TNS1: variants seen among roughly 807,000 people sequenced by gnomAD.
The protein encoded by TNS1 is tensin-1.
Under a neutral mutation model 168.6 loss-of-function variants are expected in TNS1, and 62 were observed. The ratio of observed to expected loss-of-function variants is 0.37; its 90% CI spans 0.30 to 0.45. The LOEUF (loss-of-function observed/expected upper bound fraction) is 0.45. Ranked by LOEUF, TNS1 falls within the 20% of genes least tolerant of loss-of-function variation. The pLI is 1.00. For synonymous variants in TNS1, 934 were observed against 933.2 expected (o/e 1.00, Z -0.02); for missense variants, 2,240 against 2,339.4 (o/e 0.96, Z 0.88).
At chr2:217,969,121 A>T (rs921177337) in intron 3 of TNS1, among the ~76,000 whole-genome samples, 1 of 152,228 alleles carries the variant, frequency 6.6e-6, no homozygotes, top group African/African-American at 2.4e-5. Flanking sequence ...TATTTAAGGG[A>T]CACAGAATAG....
At chr2:217,808,227 C>T (rs1362797772) in intron 31 of TNS1, 120 bp from the exon 32 acceptor site, 20 of 1,199,206 alleles carry the variant, frequency 1.7e-5, no homozygotes, top group Admixed American at 6.1e-5. Context: ...CCATTCCCCC[C>T]TCATTCCCCC....
rs145206915 is a variant in TNS1 at position 217,857,839 on chromosome 2, G to A, written c.1430-8752C>T. Among the ~76,000 whole-genome samples the A allele has an allele frequency of 4.6e-5, 7 of 152,230 alleles. No homozygotes were observed. In the East Asian group the frequency reaches 9.7e-4, roughly 21 times the overall value. The stretch of plus-strand genomic sequence containing the variant: ...TCCCACCCCTACCCTCAGCCTATAC[G>A]GGCAGCAGATATCACAGGCACACTC... On this transcript the variant is annotated intron_variant, in intron 18 of 32. Transcript: ENST00000682258.
chr2:217,946,755 C>A (rs1957115523), intron 3 of TNS1, among the ~76,000 whole-genome samples: 1 of 151,956 alleles, frequency 6.6e-6, no homozygotes. Flanking sequence ...CTCTTTCCAG[C>A]CTGCCTGCTC....
chr2:217,937,402 A>ATCTCTG (rs1956674466), intron 3 of TNS1, among the ~76,000 whole-genome samples: 1 of 152,076 alleles, frequency 6.6e-6, no homozygotes, highest in South Asian at 2.1e-4. Context: ...GGGCTGGCCC[A>ATCTCTG]TCTCTGCCAC....
chr2:217,908,507 C>T (rs942133993), intron 4 of TNS1, among the ~76,000 whole-genome samples: 12 of 152,180 alleles, frequency 7.9e-5, no homozygotes, highest in African/African-American at 2.9e-4. Flanking sequence ...CTGCTCCAAC[C>T]CCATCCCTGA....
intron 1 of TNS1, among the ~76,000 whole-genome samples, chr2:218,016,894 T>C (rs943046596): frequency 2.0e-5 from 3 of 152,012 alleles, no homozygotes; most frequent in African/African-American, 7.3e-5. Flanking sequence ...TGAGCATCCA[T>C]AAAGAGCAGC....
At chr2:217,945,413 G>A (rs956011809) in intron 3 of TNS1, among the ~76,000 whole-genome samples, 8 of 152,116 alleles carry the variant, frequency 5.3e-5, no homozygotes, top group South Asian at 2.1e-4. Context: ...GGGCTGCCTC[G>A]CCCCCAGTCA....
intron 1 of TNS1, among the ~76,000 whole-genome samples, chr2:218,002,606 G>A (rs1958586885): frequency 6.6e-6 from 1 of 151,728 alleles, no homozygotes; most frequent in Non-Finnish European, 1.5e-5. Context: ...GGGTGGGGCA[G>A]GGGATGTACT....
chr2:217,891,194 T>C, intron 11 of TNS1, 149 bp from the exon 12 acceptor site: 1 of 709,404 alleles, frequency 1.4e-6, no homozygotes, highest in Non-Finnish European at 2.4e-6. Flanking sequence ...CCCCCTGCCA[T>C]CCTGTGCCGA....
chr2:217,940,900 G>A (rs994341020), intron 3 of TNS1, among the ~76,000 whole-genome samples: 2 of 152,080 alleles, frequency 1.3e-5, no homozygotes, highest in Admixed American at 6.5e-5. Flanking sequence ...GCCCTCTCTG[G>A]TTCTCCTCTC....
Position 217,848,786 on chromosome 2 carries a change from C to T in TNS1, c.1731G>A (p.Glu577=). 1 of 1,614,178 alleles carries T rather than the reference C, an allele frequency of 6.2e-7. No individual in the cohort carries two copies. The highest frequency in any genetic ancestry group is 1.1e-5 in the South Asian group (1 of 91,088). The change falls in exon 19 of 33, where the codon GAG becomes GAA. Residue 577 remains glutamate (E), a synonymous_variant. Coordinates refer to ENST00000682258, the MANE Select transcript of TNS1 (RefSeq NM_001387777.1). Reference sequence around the variant, plus strand: ...GGGTGTGGTACATGGCGCCTTGCTTCTCTCGCTCTAAGCCAAAGCCACTCA... The same window carrying T: ...GGGTGTGGTACATGGCGCCTTGCTTTTCTCGCTCTAAGCCAAAGCCACTCA... The part of the protein sequence containing the change: ...RLLSGFGLER[E]KQGAMYHTQH...
intron 3 of TNS1, among the ~76,000 whole-genome samples, chr2:217,936,627 G>C (rs887112572): frequency 1.3e-5 from 2 of 152,082 alleles, no homozygotes; most frequent in Non-Finnish European, 1.5e-5. Context: ...TGGCCCAAAT[G>C]CCCTTCCTAA....
intron 1 of TNS1, among the ~76,000 whole-genome samples, chr2:217,999,012 G>C (rs1271565502): frequency 6.6e-6 from 1 of 152,130 alleles, no homozygotes; most frequent in Non-Finnish European, 1.5e-5. Context: ...AAGCTGCGTG[G>C]GGGGTGTGGT....
intron 3 of TNS1, among the ~76,000 whole-genome samples, chr2:217,975,675 C>T (rs768556139): frequency 6.6e-6 from 1 of 152,188 alleles, no homozygotes; most frequent in Non-Finnish European, 1.5e-5. Flanking sequence ...AAACCATGTG[C>T]ACCCAATTAC....
At chr2:217,889,965 A>T (rs1201667803) in intron 12 of TNS1, among the ~76,000 whole-genome samples, 1 of 152,144 alleles carries the variant, frequency 6.6e-6, no homozygotes, top group Non-Finnish European at 1.5e-5. Flanking sequence ...TTTGAGCAAC[A>T]TGTCACCCAC....
chr2:217,915,227 G>T (rs189511748), intron 4 of TNS1, among the ~76,000 whole-genome samples: 1 of 152,230 alleles, frequency 6.6e-6, no homozygotes, highest in Non-Finnish European at 1.5e-5. Context: ...TGAGTGCTCC[G>T]CTCCCTTTCT....
intron 3 of TNS1, among the ~76,000 whole-genome samples, chr2:217,953,755 G>C (rs556351341): frequency 6.6e-6 from 1 of 152,268 alleles, no homozygotes; most frequent in South Asian, 2.1e-4. Context: ...CGTGGGATGT[G>C]CTGGCAGGCA....
chr2:217,994,069 G>T (rs1378272111), intron 1 of TNS1, among the ~76,000 whole-genome samples: 1 of 152,244 alleles, frequency 6.6e-6, no homozygotes, highest in South Asian at 2.1e-4. Flanking sequence ...AGGCCTCTGA[G>T]GGGTAGATCC....
rs71415815 is a variant in TNS1 at position 217,839,585 on chromosome 2, C to T, written c.3008-3374G>A. ...ACGCACACACACTCACACGCACACT[C>T]GCACACCCTGCAATTCTGGGAGCTG... On this transcript the variant is annotated intron_variant, in intron 19 of 32. Coordinates refer to ENST00000682258, the MANE Select transcript of TNS1 (RefSeq NM_001387777.1). Among the ~76,000 whole-genome samples, 30 of 152,284 alleles carry T rather than the reference C, an allele frequency of 2.0e-4. No individual in the cohort carries two copies. The East Asian group carries it at 2.9e-3, about 15-fold the overall frequency.
Sources: gnomAD v4.1 joint callset for allele counts (sites outside exome capture counted in the v4.1 genomes callset) on GRCh38, gnomAD v4.1.1 for gene constraint, MANE v1.5 for transcripts, NCBI Gene and HGNC (gene_info 2026-07-23, HGNC 2026-07-21) for gene names.